THAP2: variants seen among roughly 807,000 people sequenced by gnomAD.
The protein encoded by THAP2 is THAP domain-containing protein 2.
In THAP2, 16 loss-of-function variants were observed where a neutral mutation model predicts 18.8. The observed-to-expected ratio is 0.85, with a 90% confidence interval of 0.58 to 1.29. THAP2 has a LOEUF of 1.29. THAP2 is among the 50% of genes most tolerant of loss of function. The pLI, the probability that THAP2 is intolerant of heterozygous loss-of-function variation, is 0.00. For missense variants in THAP2, 251 were observed against 265.3 expected, an observed-to-expected ratio of 0.95 and a Z score of 0.38; for synonymous variants, 80 against 89.2, an observed-to-expected ratio of 0.90 and a Z score of 0.58.
chr12:71,676,629 A>T (rs1376375013), intron 2 of THAP2, 60 bp from the exon 3 acceptor site: 1 of 1,505,222 alleles, frequency 6.6e-7, no homozygotes, highest in Admixed American at 2.3e-5. Flanking sequence ...ACTGGACACT[A>T]TGTGCTTATT....
chr12:71,676,721 C>T lies in THAP2; in HGVS notation c.300C>T (p.Asn100=). The T allele has an allele frequency of 6.3e-7, 1 of 1,586,322 alleles. No homozygotes were observed. The highest frequency in any genetic ancestry group is 8.6e-7 in the Non-Finnish European group (1 of 1,169,270). Residue 100 remains asparagine, a synonymous_variant, in exon 3 of 3, where the codon AAC becomes AAT. Coordinates refer to ENST00000308086, the MANE Select transcript of THAP2 (RefSeq NM_031435.4). ...AGTCAAGGAATCTTTTGAAGAAAAA[C>T]AACAGTTGTTCTCCAGCTGGACCAT... ...KLKSRNLLKK[N]NSCSPAGPSN... is the part of the protein sequence containing the mutation.
intron 1 of THAP2, 80 bp downstream of exon 1, chr12:71,664,660 T>C: frequency 6.7e-7 from 1 of 1,500,276 alleles, no homozygotes; most frequent in Non-Finnish European, 9.3e-7. Context: ...AACAGGAGGA[T>C]TCTGCTAATT....
At chr12:71,668,271 T>C (rs1440913368) in intron 1 of THAP2, among the ~76,000 whole-genome samples, 2 of 152,206 alleles carry the variant, frequency 1.3e-5, no homozygotes, top group African/African-American at 2.4e-5. Flanking sequence ...GCTCTTCCTG[T>C]TTTACGGTTC....
intron 1 of THAP2, among the ~76,000 whole-genome samples, chr12:71,670,615 ATAAAG>A (rs1431424333): frequency 2.0e-5 from 3 of 152,154 alleles, no homozygotes; most frequent in Admixed American, 6.5e-5. Context: ...TATTCTTAGA[ATAAAG>A]TAAGCCAGAG....
At chr12:71,665,077 T>C (rs1881309417) in intron 1 of THAP2, 1 of 670,002 alleles carries the variant, frequency 1.5e-6, no homozygotes, top group South Asian at 1.6e-5. Context: ...GCGATGTTAA[T>C]TAAAGTGCAA....
intron 1 of THAP2, 147 bp from the exon 2 acceptor site, chr12:71,674,056 T>C (rs1592612729): frequency 1.4e-6 from 1 of 719,616 alleles, no homozygotes; most frequent in East Asian, 2.8e-5. Context: ...TGAATTGGTT[T>C]CTGTTCCAGT....
chr12:71,675,415 C>T (rs973166826), intron 2 of THAP2, among the ~76,000 whole-genome samples: 7 of 151,994 alleles, frequency 4.6e-5, no homozygotes, highest in East Asian at 3.8e-4. Context: ...TTGAAATACA[C>T]CTTATTTTTG....
chr12:71,673,438 T>G (rs1156231232), intron 1 of THAP2, among the ~76,000 whole-genome samples: 3 of 152,156 alleles, frequency 2.0e-5, no homozygotes, highest in African/African-American at 7.2e-5. Flanking sequence ...ACTTTATATT[T>G]GAAATATGAA....
At chr12:71,671,497 C>T (rs1003099425) in intron 1 of THAP2, among the ~76,000 whole-genome samples, 5 of 152,176 alleles carry the variant, frequency 3.3e-5, no homozygotes, top group Non-Finnish European at 5.9e-5. Context: ...TGTCACTGCC[C>T]ACCTTTTTTG....
At chr12:71,665,003 T>C (rs1179638672) in intron 1 of THAP2, 2 of 702,038 alleles carry the variant, frequency 2.8e-6, no homozygotes, top group Non-Finnish European at 5.2e-6. Context: ...GGCATTTAGA[T>C]TTCTAATAGT....
chr12:71,669,679 G>C (rs940751190), intron 1 of THAP2, among the ~76,000 whole-genome samples: 6 of 152,134 alleles, frequency 3.9e-5, no homozygotes, highest in Non-Finnish European at 7.4e-5. Context: ...TATTCAGCCA[G>C]CTGCGGTGGC....
At chr12:71,671,619 G>A (rs2137579550) in intron 1 of THAP2, among the ~76,000 whole-genome samples, 1 of 152,288 alleles carries the variant, frequency 6.6e-6, no homozygotes, top group South Asian at 2.1e-4. Context: ...ATTGTTTTGG[G>A]CTTGGTTTCT....
rs2137585485 is a variant in THAP2 at position 71,680,572 on chromosome 12, T to C, written c.*3464T>C. ...TTCTAAAATTGAGGATTTTGTAGTG[T>C]ATACTAAATAATTGCATATTCAAAA... On this transcript the variant is annotated 3_prime_UTR_variant, in exon 3 of 3. Transcript: ENST00000308086. 1 of 152,706 alleles carries C rather than the reference T, an allele frequency of 6.5e-6. No homozygotes were observed. Among genetic ancestry groups the C allele is most frequent in the East Asian group, 1.9e-4 (1 of 5,192 alleles). The allele number at this position is 152,706 out of a possible 1,614,324, so 9.5% of individuals were successfully genotyped here.
At chr12:71,665,917 T>A (rs1881329429) in intron 1 of THAP2, among the ~76,000 whole-genome samples, 1 of 152,208 alleles carries the variant, frequency 6.6e-6, no homozygotes. Context: ...TATTACAGAA[T>A]ATTAATTTAC....
In THAP2 at chr12:71,676,953, G is replaced by C. The variant is rs1217285961; in HGVS notation, c.532G>C (p.Ala178Pro). 7 of 1,613,660 alleles carry C rather than the reference G, an allele frequency of 4.3e-6. No individual in the cohort carries two copies. The African/African-American group carries it at 8.0e-5, about 18-fold the overall frequency. Residue 178 changes from alanine (A) to proline (P), a missense_variant, in exon 3 of 3, where the codon GCA becomes CCA. Ala to Pro is a conservative substitution (Grantham distance 27, BLOSUM62 -1). Coordinates refer to ENST00000308086, the MANE Select transcript of THAP2 (RefSeq NM_031435.4). ...KATCLVKNLEANSVLPKGTSE... is the reference protein window; with the variant it reads ...KATCLVKNLEPNSVLPKGTSE... ...CACGTGTTTGGTAAAGAATTTAGAA[G>C]CAAATAGTGTATTACCTAAAGGTAC... is the stretch of plus-strand genomic sequence containing the variant.
Position 71,677,918 on chromosome 12 carries a change from T to C in THAP2, c.*810T>C, listed in dbSNP as rs1881545322. ...AAATTGGTGCTTCCATATTTGTTGA[T>C]AACCAAAACTCCTAAGGTTTTTTGT... On this transcript the variant is annotated 3_prime_UTR_variant, in exon 3 of 3. Coordinates refer to ENST00000308086, the MANE Select transcript of THAP2 (RefSeq NM_031435.4). 6.6e-6 allele frequency: 1 copy of C among 151,902 alleles called. No homozygotes were observed. The highest frequency in any genetic ancestry group is 2.4e-5 in the African/African-American group (1 of 41,188). 9.4% of individuals were successfully genotyped at this position (151,902 alleles called of 1,614,324 possible).
rs1258725770 is a variant in THAP2, at chr12:71,677,642, G to A, written c.*534G>A. ...TATTTTGTTTTACCAGTAAAAGTGA[G>A]CTTATCATGGCCTCTCTCATAAGAA... On this transcript the variant is annotated 3_prime_UTR_variant, in exon 3 of 3. Transcript: ENST00000308086. The A allele has an allele frequency of 6.6e-6, 1 of 151,606 alleles. No individual in the cohort carries two copies. The highest frequency in any genetic ancestry group is 2.4e-5 in the African/African-American group (1 of 41,052). 9.4% of individuals were successfully genotyped at this position (151,606 alleles called of 1,614,324 possible).
chr12:71,676,660 G>A, intron 2 of THAP2, 29 bp from the exon 3 acceptor site: 1 of 1,547,772 alleles, frequency 6.5e-7, no homozygotes, highest in Non-Finnish European at 8.7e-7. Flanking sequence ...CATAATTTAT[G>A]TTCAACCCTC....
At position 71,676,674 on chromosome 12, in the gene THAP2, T is replaced by G; in HGVS notation, c.268-15T>G. 6.4e-7 allele frequency: 1 copy of G among 1,562,424 alleles called. No homozygotes were observed. The highest frequency in any genetic ancestry group is 8.6e-7 in the Non-Finnish European group (1 of 1,158,934). ...TCATAATTTATGTTCAACCCTCTAATTTTATTCGGCTCAGAAACTCAAGTC... is the reference window on the plus strand; with the variant it reads ...TCATAATTTATGTTCAACCCTCTAAGTTTATTCGGCTCAGAAACTCAAGTC... On this transcript the variant is annotated splice_polypyrimidine_tract_variant and intron_variant, in intron 2 of 2. Coordinates refer to ENST00000308086, the MANE Select transcript of THAP2 (RefSeq NM_031435.4).
Sources: allele counts gnomAD v4.1 joint callset (sites outside exome capture counted in the v4.1 genomes callset), GRCh38; gene constraint gnomAD v4.1.1; transcripts MANE v1.5; gene names NCBI Gene and HGNC (gene_info 2026-07-23, HGNC 2026-07-21).